UNC13C: variants seen among roughly 807,000 people sequenced by gnomAD.
UNC13C encodes the protein protein unc-13 homolog C.
UNC13C carries 174 observed loss-of-function variants against 245.4 expected under a neutral mutation model. That is an observed-to-expected ratio of 0.71 (90% CI 0.63 to 0.80). The LOEUF (loss-of-function observed/expected upper bound fraction) is 0.80, where lower values mean the gene tolerates loss of function less well. UNC13C is among the 30% of genes least tolerant of loss of function. UNC13C has a pLI of 0.00. For missense variants in UNC13C, 2,829 were observed against 2,602.9 expected (o/e 1.09, Z -1.89); for synonymous variants, 992 against 895.1 (o/e 1.11, Z -1.93).
chr15:53,999,227 T>G lies in UNC13C; in HGVS notation c.-256-13421T>G, dbSNP rs142083793. ...TAGTTTAAAAATTCCGCCTGGAGCT[T>G]TCTTTATGGAAGATATTTGATTACA... is the stretch of plus-strand genomic sequence containing the variant. On this transcript the variant is annotated intron_variant, in intron 1 of 32. Transcript: ENST00000260323. Among the ~76,000 whole-genome samples, 320 of 151,988 alleles carry G rather than the reference T, an allele frequency of 2.1e-3. 1 individual carries two copies. The highest frequency in any genetic ancestry group is 7.2e-3 in the African/African-American group (300 of 41,552).
At chr15:54,613,372 T>G (rs1900228806) in intron 30 of UNC13C, among the ~76,000 whole-genome samples, 1 of 151,894 alleles carries the variant, frequency 6.6e-6, no homozygotes, top group Non-Finnish European at 1.5e-5. Context: ...TACTAAATAT[T>G]AATAGGAGAA....
chr15:54,596,448 G>C (rs1257065888), intron 30 of UNC13C, among the ~76,000 whole-genome samples: 4 of 152,174 alleles, frequency 2.6e-5, no homozygotes, highest in Non-Finnish European at 4.4e-5. Context: ...TGAAATGACT[G>C]TAAGTCCCAG....
At chr15:54,343,690 T>C (rs920069245) in intron 17 of UNC13C, among the ~76,000 whole-genome samples, 1 of 152,132 alleles carries the variant, frequency 6.6e-6, no homozygotes, top group African/African-American at 2.4e-5. Flanking sequence ...ATTACACCCA[T>C]TAAAGAATGG....
At chr15:54,083,713 C>G (rs773304556) in intron 2 of UNC13C, among the ~76,000 whole-genome samples, 8 of 152,128 alleles carry the variant, frequency 5.3e-5, no homozygotes, top group Non-Finnish European at 1.2e-4. Flanking sequence ...GGGCAGCCTA[C>G]ACCAAGGGTT....
intron 4 of UNC13C, among the ~76,000 whole-genome samples, chr15:54,155,391 G>GGC (rs2141257121): frequency 6.6e-6 from 1 of 152,270 alleles, no homozygotes; most frequent in East Asian, 1.9e-4. Context: ...ATTCTATTGT[G>GGC]AAAACACGTC....
At chr15:54,574,157 A>G (rs1897865791) in intron 30 of UNC13C, among the ~76,000 whole-genome samples, 1 of 152,198 alleles carries the variant, frequency 6.6e-6, no homozygotes, top group South Asian at 2.1e-4. Flanking sequence ...AAAGTATCTT[A>G]AATTTCCTTG....
intron 17 of UNC13C, among the ~76,000 whole-genome samples, chr15:54,344,334 G>A (rs8030739): frequency 0.33 from 50,292 of 151,844 alleles, 9,144 homozygotes; most frequent in African/African-American, 0.49. Context: ...TAAAGCAAAC[G>A]TGCCCCTAAC....
the UNC13C span, among the ~76,000 whole-genome samples, chr15:53,953,988 C>T: frequency 1.2e-4 from 18 of 152,124 alleles, no homozygotes; most frequent in Non-Finnish European, 1.9e-4. Flanking sequence ...TGCAGGGCTC[C>T]GAGCTTCATA....
the UNC13C span, among the ~76,000 whole-genome samples, chr15:53,848,380 T>G: frequency 6.6e-6 from 1 of 152,188 alleles, no homozygotes; most frequent in Admixed American, 6.5e-5. Context: ...ACTTGTGATT[T>G]CCTATTGAGA....
At chr15:54,338,552 T>G in intron 17 of UNC13C, 63 bp downstream of exon 17, 18 of 1,561,628 alleles carry the variant, frequency 1.2e-5, no homozygotes, top group Non-Finnish European at 1.6e-5. Flanking sequence ...TTTCCATAAG[T>G]TTAGCATAAT....
chr15:54,075,588 A>G (rs1033726441), intron 2 of UNC13C, among the ~76,000 whole-genome samples: 1 of 150,218 alleles, frequency 6.7e-6, no homozygotes, highest in Non-Finnish European at 1.5e-5. Flanking sequence ...AGGAGTGTCC[A>G]AAACTGCAAT....
intron 4 of UNC13C, among the ~76,000 whole-genome samples, chr15:54,162,816 C>A (rs1453202690): frequency 6.6e-6 from 1 of 151,988 alleles, no homozygotes; most frequent in Non-Finnish European, 1.5e-5. Context: ...TAAAATAGTT[C>A]CCTGAATAAT....
At chr15:54,392,943 C>G in intron 17 of UNC13C, 105 bp from the exon 18 acceptor site, 2 of 1,326,978 alleles carry the variant, frequency 1.5e-6, no homozygotes, top group African/African-American at 1.5e-5. Flanking sequence ...ATCTAAGTTT[C>G]ATTTCCACAA....
At chr15:54,126,199 A>C (rs1317094249) in intron 2 of UNC13C, among the ~76,000 whole-genome samples, 2 of 152,172 alleles carry the variant, frequency 1.3e-5, no homozygotes, top group Non-Finnish European at 2.9e-5. Context: ...AAAGTGGATT[A>C]AAAAACATGC....
chr15:54,209,102 C>T (rs1338868876), intron 4 of UNC13C, among the ~76,000 whole-genome samples: 4 of 152,044 alleles, frequency 2.6e-5, no homozygotes, highest in African/African-American at 9.7e-5. Context: ...GTCTTTTAGG[C>T]CCTCTGCTCC....
At chr15:53,962,916 A>T in the UNC13C span, among the ~76,000 whole-genome samples, 1 of 152,204 alleles carries the variant, frequency 6.6e-6, no homozygotes, top group Non-Finnish European at 1.5e-5. Context: ...TTTGTACATG[A>T]TAAAATTCAG....
chr15:53,932,617 C>G, the UNC13C span, among the ~76,000 whole-genome samples: 1 of 152,158 alleles, frequency 6.6e-6, no homozygotes, highest in African/African-American at 2.4e-5. Context: ...TCTGTTCATA[C>G]TCTTCTTACC....
At chr15:54,613,762 C>G (rs1322639731) in intron 30 of UNC13C, among the ~76,000 whole-genome samples, 2 of 151,830 alleles carry the variant, frequency 1.3e-5, no homozygotes, top group Non-Finnish European at 2.9e-5. Context: ...TACAATTTAT[C>G]TTTTAAATAA....
chr15:54,233,531 A>C (rs533962553), intron 4 of UNC13C, among the ~76,000 whole-genome samples: 1 of 152,298 alleles, frequency 6.6e-6, no homozygotes, highest in East Asian at 1.9e-4. Context: ...GCATTTATTA[A>C]TTCATTTTAT....
Sources: allele counts gnomAD v4.1 joint callset (sites outside exome capture counted in the v4.1 genomes callset), GRCh38; gene constraint gnomAD v4.1.1; transcripts MANE v1.5; gene names NCBI Gene and HGNC (gene_info 2026-07-23, HGNC 2026-07-21).